ADAMTSL1: variants seen among roughly 807,000 people sequenced by gnomAD.
The protein encoded by ADAMTSL1 is ADAMTS like 1.
In ADAMTSL1, 126 loss-of-function variants were observed where a neutral mutation model predicts 201.8. The ratio of observed to expected loss-of-function variants is 0.62; its 90% CI spans 0.54 to 0.72. The LOEUF (loss-of-function observed/expected upper bound fraction) is 0.72, where lower values mean the gene tolerates loss of function less well. Ranked by LOEUF, ADAMTSL1 falls within the 30% of genes least tolerant of loss-of-function variation. The pLI is 0.00. For synonymous variants in ADAMTSL1, 1,121 were observed against 903.4 expected (o/e 1.24, Z -4.32); for missense variants, 2,679 against 2,277.8 (o/e 1.18, Z -3.59).
At chr9:18,202,147 C>G (rs1179414536) in intron 2 of ADAMTSL1, among the ~76,000 whole-genome samples, 1 of 151,940 alleles carries the variant, frequency 6.6e-6, no homozygotes, top group African/African-American at 2.4e-5. Context: ...AGTGCATTTC[C>G]CAGACAAACA....
intron 1 of ADAMTSL1, among the ~76,000 whole-genome samples, chr9:18,137,262 A>T (rs181184208): frequency 2.2e-4 from 34 of 152,314 alleles, no homozygotes; most frequent in Admixed American, 2.2e-3. Context: ...TAGAAAATAA[A>T]TTAACATAAG....
chr9:18,869,145 G>T (rs1827727623), intron 23 of ADAMTSL1, among the ~76,000 whole-genome samples: 2 of 152,216 alleles, frequency 1.3e-5, no homozygotes, highest in African/African-American at 4.8e-5. Context: ...ACCAAAGATT[G>T]CCAGCAAACC....
chr9:18,525,401 T>G (rs542893536), intron 2 of ADAMTSL1, among the ~76,000 whole-genome samples: 1 of 152,332 alleles, frequency 6.6e-6, no homozygotes, highest in Non-Finnish European at 1.5e-5. Flanking sequence ...AGCTCCTGGA[T>G]TCATTGATTT....
At position 18,777,965 on chromosome 9, in the gene ADAMTSL1, G is replaced by T. The variant is rs1442359326; in HGVS notation, c.3677+59G>T. The T allele has an allele frequency of 2.0e-6, 3 of 1,508,336 alleles. No individual in the cohort carries two copies. In the South Asian group the frequency reaches 4.0e-5, roughly 20 times the overall value. The allele number at this position is 1,508,336 out of a possible 1,614,324, so 93.4% of individuals were successfully genotyped here. On this transcript the variant is annotated intron_variant, in intron 19 of 28. Coordinates refer to ENST00000380548, the MANE Select transcript of ADAMTSL1 (RefSeq NM_001040272.6). ...AGGCAAGGGGCCACATCTGGCCCAA[G>T]TCACACTACTTACACATTCTTCAAG...
At chr9:18,170,366 G>A (rs1159785196) in intron 2 of ADAMTSL1, among the ~76,000 whole-genome samples, 1 of 151,964 alleles carries the variant, frequency 6.6e-6, no homozygotes, top group African/African-American at 2.4e-5. Context: ...ACAACCTGAG[G>A]TAGGAAATAA....
chr9:18,430,137 A>G (rs1805385001), intron 2 of ADAMTSL1, among the ~76,000 whole-genome samples: 1 of 152,088 alleles, frequency 6.6e-6, no homozygotes, highest in Non-Finnish European at 1.5e-5. Context: ...TTATATACAC[A>G]AAAACCACCT....
At chr9:18,202,742 A>G (rs1829501577) in intron 2 of ADAMTSL1, among the ~76,000 whole-genome samples, 1 of 151,912 alleles carries the variant, frequency 6.6e-6, no homozygotes, top group Non-Finnish European at 1.5e-5. Context: ...GGCTAAATGC[A>G]CTCCTTGGAG....
At chr9:18,751,635 G>A (rs556727820) in intron 15 of ADAMTSL1, among the ~76,000 whole-genome samples, 1 of 152,312 alleles carries the variant, frequency 6.6e-6, no homozygotes, top group Non-Finnish European at 1.5e-5. Context: ...AACTGACTCA[G>A]ATGCGGGCCC....
chr9:17,922,099 T>TG (rs1826327056), intron 1 of ADAMTSL1, among the ~76,000 whole-genome samples: 3 of 151,452 alleles, frequency 2.0e-5, no homozygotes, highest in South Asian at 2.1e-4. Flanking sequence ...TTTTTTTTTT[T>TG]TGTGGTGGAG....
At chr9:18,864,086 C>A (rs1827365294) in intron 23 of ADAMTSL1, among the ~76,000 whole-genome samples, 1 of 152,232 alleles carries the variant, frequency 6.6e-6, no homozygotes, top group Non-Finnish European at 1.5e-5. Context: ...TCAGCCACAG[C>A]TTTCTTTTCC....
Position 18,112,641 on chromosome 9 carries a change from A to G in ADAMTSL1, c.88-51221A>G, listed in dbSNP as rs566683165. Among the ~76,000 whole-genome samples, 53 of 152,212 alleles carry G rather than the reference A, an allele frequency of 3.5e-4. 2 individuals carry two copies. The highest frequency in any genetic ancestry group is 6.8e-3 in the Middle Eastern group (2 of 294). On this transcript the variant is annotated intron_variant, in intron 1 of 29. Transcript: ENST00000680146. The stretch of plus-strand genomic sequence containing the variant: ...TGCAGAAAAGCAGTAATTGCAATAT[A>G]GTGATGAGCTGTAACAGAAGTGTGC...
intron 2 of ADAMTSL1, among the ~76,000 whole-genome samples, chr9:18,438,912 C>A (rs916487169): frequency 1.1e-4 from 16 of 152,166 alleles, no homozygotes; most frequent in African/African-American, 3.6e-4. Flanking sequence ...TTCACACCGG[C>A]TTAGCTCCAG....
At chr9:18,697,423 G>A (rs575754504) in intron 13 of ADAMTSL1, among the ~76,000 whole-genome samples, 1 of 152,120 alleles carries the variant, frequency 6.6e-6, no homozygotes, top group Non-Finnish European at 1.5e-5. Flanking sequence ...ACCATCAAAG[G>A]CTCCTAATTC....
intron 2 of ADAMTSL1, among the ~76,000 whole-genome samples, chr9:18,422,130 G>A (rs1299124325): frequency 6.6e-6 from 1 of 151,916 alleles, no homozygotes; most frequent in East Asian, 1.9e-4. Context: ...AATCTCCCTG[G>A]TGATTTTCTT....
chr9:18,896,123 G>C lies in ADAMTSL1; in HGVS notation c.4851+3527G>C, dbSNP rs570833037. Reference sequence around the variant, plus strand: ...TCAAGTGAACCAACATATACATTTTGAGAGTCTCAGAAGAAGAAAGGAGTT... The same window carrying C: ...TCAAGTGAACCAACATATACATTTTCAGAGTCTCAGAAGAAGAAAGGAGTT... On this transcript the variant is annotated intron_variant, in intron 26 of 28. Coordinates refer to ENST00000380548, the MANE Select transcript of ADAMTSL1 (RefSeq NM_001040272.6). Among the ~76,000 whole-genome samples the C allele has an allele frequency of 2.6e-5, 4 of 152,290 alleles. No homozygotes were observed. In the East Asian group the frequency reaches 7.7e-4, roughly 29 times the overall value.
At chr9:18,564,835 A>G (rs1330609650) in intron 3 of ADAMTSL1, among the ~76,000 whole-genome samples, 1 of 152,188 alleles carries the variant, frequency 6.6e-6, no homozygotes, top group Non-Finnish European at 1.5e-5. Context: ...AAAGGGACTA[A>G]AAATAATAAA....
intron 23 of ADAMTSL1, among the ~76,000 whole-genome samples, chr9:18,864,181 G>A (rs893142218): frequency 6.6e-6 from 1 of 152,068 alleles, no homozygotes; most frequent in Non-Finnish European, 1.5e-5. Context: ...TATTTTCAGA[G>A]CATTCTTCCC....
At chr9:18,854,057 G>A (rs557291139) in intron 23 of ADAMTSL1, among the ~76,000 whole-genome samples, 1 of 152,170 alleles carries the variant, frequency 6.6e-6, no homozygotes, top group Non-Finnish European at 1.5e-5. Flanking sequence ...CTATGTTTTA[G>A]AAAAGTTTGG....
At chr9:18,653,735 A>C (rs1828443671) in intron 7 of ADAMTSL1, among the ~76,000 whole-genome samples, 1 of 152,226 alleles carries the variant, frequency 6.6e-6, no homozygotes, top group Non-Finnish European at 1.5e-5. Flanking sequence ...GTATAGAGGT[A>C]AAGTTGGGTA....
Sources: allele counts gnomAD v4.1 joint callset (sites outside exome capture counted in the v4.1 genomes callset), GRCh38; gene constraint gnomAD v4.1.1; transcripts MANE v1.5; gene names NCBI Gene and HGNC (gene_info 2026-07-23, HGNC 2026-07-21).